Variants in CSGALNACT1 observed in about 807,000 individuals in gnomAD.
The protein encoded by CSGALNACT1 is chondroitin sulfate N-acetylgalactosaminyltransferase 1, also known as beta4GalNAcT-1.
In CSGALNACT1, 52 loss-of-function variants were observed where a neutral mutation model predicts 51.0. The observed-to-expected ratio is 1.02, with a 90% CI of 0.82 to 1.29. The LOEUF is 1.29. Among genes scored for constraint, CSGALNACT1 ranks in the 50% most tolerant of loss-of-function variants. The probability of loss-of-function intolerance (pLI) is 0.00; values close to 1 mark genes in which losing one functional copy is unlikely to be tolerated. For missense variants in CSGALNACT1, 935 were observed against 679.2 expected (o/e 1.38, Z -4.19); for synonymous variants, 341 against 254.4 (o/e 1.34, Z -3.24).
At chr8:19,614,658 G>A (rs2052752702) in intron 1 of CSGALNACT1, among the ~76,000 whole-genome samples, 1 of 152,048 alleles carries the variant, frequency 6.6e-6, no homozygotes, top group Non-Finnish European at 1.5e-5. Flanking sequence ...TATAGGGCCT[G>A]GTACTGAAGT....
chr8:19,629,999 A>G (rs1188142290), intron 1 of CSGALNACT1, among the ~76,000 whole-genome samples: 2 of 152,196 alleles, frequency 1.3e-5, no homozygotes, highest in Admixed American at 6.5e-5. Flanking sequence ...GGAGTCCGAC[A>G]TCCTAAAGAT....
At chr8:19,547,232 T>C (rs187167088) in intron 3 of CSGALNACT1, among the ~76,000 whole-genome samples, 53 of 152,270 alleles carry the variant, frequency 3.5e-4, no homozygotes, top group Admixed American at 9.2e-4. Flanking sequence ...TGAGGTGTAA[T>C]ATAACACACA....
upstream of CSGALNACT1, among the ~76,000 whole-genome samples, chr8:19,684,589 C>A (rs1171151606): frequency 6.6e-6 from 1 of 152,094 alleles, no homozygotes. Flanking sequence ...CCCCTGGGAC[C>A]CAGGGATTGC....
Position 19,408,468 on chromosome 8 carries a change from C to CTTTTTTTTTTTTT in CSGALNACT1, c.1309+132_1309+144dup, listed in dbSNP as rs1186216767. ...AGCCACCGCACCTAGTCTGGAATAG[C>CTTTTTTTTTTTTT]TTTTTTTTTTTTTTTTTTTTTTTTT... On this transcript the variant is annotated intron_variant, in intron 9 of 9. Coordinates refer to ENST00000454498, the Ensembl canonical transcript of CSGALNACT1. 2 of 454,232 alleles carry CTTTTTTTTTTTTT rather than the reference C, an allele frequency of 4.4e-6. 1 individual carries two copies. The highest frequency in any genetic ancestry group is 7.2e-5 in the African/African-American group (2 of 27,894). The allele number at this position is 454,232 out of a possible 1,614,324, so 28.1% of individuals were successfully genotyped here.
At chr8:19,728,197 G>GA (rs2063505650) in intron 1 of CSGALNACT1, among the ~76,000 whole-genome samples, 1 of 152,118 alleles carries the variant, frequency 6.6e-6, no homozygotes, top group Non-Finnish European at 1.5e-5. Flanking sequence ...TGAGGATTAA[G>GA]AAAATTCTTC....
intron 1 of CSGALNACT1, among the ~76,000 whole-genome samples, chr8:19,748,905 C>A (rs1047384341): frequency 2.6e-5 from 4 of 151,252 alleles, no homozygotes; most frequent in Non-Finnish European, 5.9e-5. Flanking sequence ...GCAGAGGTTG[C>A]AGTGAGCCGA....
intron 6 of CSGALNACT1, among the ~76,000 whole-genome samples, chr8:19,423,262 G>T (rs2058232819): frequency 6.6e-6 from 1 of 152,154 alleles, no homozygotes; most frequent in Non-Finnish European, 1.5e-5. Flanking sequence ...GTATAGATAG[G>T]CCAAATATTT....
At chr8:19,547,450 T>TC (rs11399064) in intron 3 of CSGALNACT1, among the ~76,000 whole-genome samples, 152,177 of 152,210 alleles carry the variant, frequency 1, 76,072 homozygotes, top group Middle Eastern at 1. Context: ...GGGGGTGGTT[T>TC]CCCCATACTG....
At chr8:19,683,066 G>C (rs542560208), upstream of CSGALNACT1, 1 of 242,470 alleles carries the variant, frequency 4.1e-6, no homozygotes, top group Non-Finnish European at 8.4e-6. Context: ...CAGGATGGAC[G>C]GGAACAGATA....
chr8:19,725,004 A>G (rs2063320263), intron 1 of CSGALNACT1, among the ~76,000 whole-genome samples: 1 of 152,168 alleles, frequency 6.6e-6, no homozygotes, highest in South Asian at 2.1e-4. Context: ...CCCTGGCTTC[A>G]TTGTGGCTGT....
At chr8:19,622,636 A>G (rs114580303) in intron 1 of CSGALNACT1, among the ~76,000 whole-genome samples, 3 of 152,192 alleles carry the variant, frequency 2.0e-5, no homozygotes, top group Non-Finnish European at 4.4e-5. Context: ...TGCATTGTCC[A>G]GGAAGTGGTA....
intron 1 of CSGALNACT1, among the ~76,000 whole-genome samples, chr8:19,703,386 C>T (rs1409385570): frequency 6.6e-6 from 1 of 152,202 alleles, no homozygotes; most frequent in African/African-American, 2.4e-5. Context: ...TCACTGCAAG[C>T]TCTGCCTTCC....
chr8:19,660,941 C>T (rs934457422), intron 1 of CSGALNACT1, among the ~76,000 whole-genome samples: 1 of 152,172 alleles, frequency 6.6e-6, no homozygotes, highest in East Asian at 1.9e-4. Context: ...GAGGCAGAGT[C>T]TTGCTCTGTC....
intron 1 of CSGALNACT1, among the ~76,000 whole-genome samples, chr8:19,681,570 T>C (rs1350433563): frequency 1.3e-5 from 2 of 152,190 alleles, no homozygotes. Context: ...GCAGGCGACA[T>C]ACTGCCCAAA....
intron 1 of CSGALNACT1, among the ~76,000 whole-genome samples, chr8:19,658,852 A>T (rs1413739749): frequency 6.6e-6 from 1 of 152,232 alleles, no homozygotes; most frequent in African/African-American, 2.4e-5. Flanking sequence ...ATTGAGGCTG[A>T]AAAGTGATAC....
At chr8:19,722,725 C>T (rs568592086) in intron 1 of CSGALNACT1, among the ~76,000 whole-genome samples, 1 of 152,284 alleles carries the variant, frequency 6.6e-6, no homozygotes, top group African/African-American at 2.4e-5. Context: ...AGGGTCATCC[C>T]TCGGAGAGAC....
intron 5 of CSGALNACT1, 89 bp from the exon 5 acceptor site, chr8:19,440,020 G>A (rs1345234762): frequency 9.3e-7 from 1 of 1,076,774 alleles, no homozygotes; most frequent in African/African-American, 1.5e-5. Context: ...AGTGCAAAAG[G>A]GTCTTGAAGG....
chr8:19,516,657 A>G (rs76043414), intron 3 of CSGALNACT1, among the ~76,000 whole-genome samples: 1,590 of 152,278 alleles, frequency 0.01, 8 homozygotes, highest in Non-Finnish European at 0.016. Flanking sequence ...GCCAGGCAGA[A>G]TATCTTCGCA....
At chr8:19,610,323 G>A (rs558408404) in intron 1 of CSGALNACT1, among the ~76,000 whole-genome samples, 8 of 149,276 alleles carry the variant, frequency 5.4e-5, no homozygotes, top group African/African-American at 1.8e-4. Context: ...ATACAGAAGA[G>A]GGGAAGGGAA....
Sources: gnomAD v4.1 joint callset for allele counts (sites outside exome capture counted in the v4.1 genomes callset) on GRCh38, gnomAD v4.1.1 for gene constraint, MANE v1.5 for transcripts, NCBI Gene and HGNC (gene_info 2026-07-23, HGNC 2026-07-21) for gene names.